STAU2: variants seen among roughly 807,000 people sequenced by gnomAD.
The protein encoded by STAU2 is double-stranded RNA-binding protein Staufen homolog 2.
STAU2 carries 20 observed loss-of-function variants against 65.9 expected under a neutral mutation model. The ratio of observed to expected loss-of-function variants is 0.30; its 90% CI spans 0.21 to 0.44. The LOEUF (loss-of-function observed/expected upper bound fraction) is 0.44, where lower values mean the gene tolerates loss of function less well. Ranked by LOEUF, STAU2 falls within the 20% of genes least tolerant of loss-of-function variation. STAU2 has a pLI of 1.00. For missense variants in STAU2, 558 were observed against 683.9 expected, an observed-to-expected ratio of 0.82 and a Z score of 2.05; for synonymous variants, 232 against 233.9, an observed-to-expected ratio of 0.99 and a Z score of 0.07.
At chr8:73,494,573 T>C (rs1287292896) in intron 13 of STAU2, among the ~76,000 whole-genome samples, 2 of 151,788 alleles carry the variant, frequency 1.3e-5, no homozygotes, top group African/African-American at 4.8e-5. Context: ...TTAAATAATT[T>C]TCAAGTTCAT....
At chr8:73,617,583 T>TA in intron 6 of STAU2, 132 bp from the exon 7 acceptor site, 1 of 842,876 alleles carries the variant, frequency 1.2e-6, no homozygotes. Flanking sequence ...CTCAAAAACA[T>TA]ACTTTTTTGA....
intron 13 of STAU2, among the ~76,000 whole-genome samples, chr8:73,470,241 C>T (rs1365032284): frequency 1.3e-5 from 2 of 152,146 alleles, no homozygotes. Context: ...CTTGGGAAGG[C>T]TTCAGTCGTG....
At chr8:73,713,587 A>G (rs1197823329) in intron 3 of STAU2, among the ~76,000 whole-genome samples, 1 of 152,160 alleles carries the variant, frequency 6.6e-6, no homozygotes, top group East Asian at 1.9e-4. Context: ...AGGGAACGTG[A>G]GAGACAGTCC....
At chr8:73,646,378 C>T (rs1479474493) in intron 6 of STAU2, among the ~76,000 whole-genome samples, 1 of 152,182 alleles carries the variant, frequency 6.6e-6, no homozygotes, top group African/African-American at 2.4e-5. Context: ...TTGGCAGAGA[C>T]ACAGAGTTCA....
intron 11 of STAU2, among the ~76,000 whole-genome samples, chr8:73,588,308 TGTAA>T (rs1401125639): frequency 6.6e-6 from 1 of 152,218 alleles, no homozygotes; most frequent in African/African-American, 2.4e-5. Flanking sequence ...CTGCCATGAA[TGTAA>T]GTAAGAAGAA....
chr8:73,579,339 TTAGTGGGTGGATTTGGCACA>T (rs1809819706), intron 12 of STAU2, among the ~76,000 whole-genome samples: 1 of 152,172 alleles, frequency 6.6e-6, no homozygotes, highest in South Asian at 2.1e-4. Flanking sequence ...GAATAATCTT[TTAGTGGGTGGATTTGGCACA>T]TACCAGTGAA....
intron 3 of STAU2, among the ~76,000 whole-genome samples, chr8:73,710,634 C>T (rs931912343): frequency 2.0e-5 from 3 of 151,916 alleles, no homozygotes; most frequent in Non-Finnish European, 4.4e-5. Flanking sequence ...ACTATTATAG[C>T]TTCAGAATAT....
chr8:73,489,322 C>T (rs1214687366), intron 13 of STAU2, among the ~76,000 whole-genome samples: 8 of 151,866 alleles, frequency 5.3e-5, no homozygotes, highest in Non-Finnish European at 1.0e-4. Flanking sequence ...TTTAAAAATG[C>T]TCTTCCTGCT....
intron 4 of STAU2, among the ~76,000 whole-genome samples, chr8:73,694,902 G>C (rs1169040140): frequency 1.3e-5 from 2 of 152,220 alleles, no homozygotes; most frequent in African/African-American, 4.8e-5. Flanking sequence ...CACAGGGAGG[G>C]AGGATTTGGA....
intron 13 of STAU2, among the ~76,000 whole-genome samples, chr8:73,513,474 C>T (rs1408855937): frequency 2.6e-5 from 4 of 152,080 alleles, no homozygotes; most frequent in African/African-American, 9.7e-5. Flanking sequence ...TTCAAGTCTG[C>T]CCTGGCATTT....
rs1336089546 is a variant in STAU2, at chr8:73,567,217, T to G, written c.1223-14898A>C. ...TGCTATGTGATTTACTTTTTAAGAT[T>G]AAAAAAAAGGCCGGGCGCAGTGGTT... On this transcript the variant is annotated intron_variant, in intron 12 of 14. Coordinates refer to ENST00000524300, the MANE Select transcript of STAU2 (RefSeq NM_001164380.2). 1.1e-4 allele frequency among the ~76,000 whole-genome samples: 17 copies of G among 151,926 alleles called. No homozygotes were observed. The East Asian group carries it at 3.1e-3, about 28-fold the overall frequency.
intron 4 of STAU2, among the ~76,000 whole-genome samples, chr8:73,701,602 A>C (rs1048960217): frequency 2.0e-5 from 3 of 152,182 alleles, no homozygotes; most frequent in African/African-American, 4.8e-5. Flanking sequence ...AAGGTTGTGG[A>C]GAAAAGGGTA....
chr8:73,454,649 G>A (rs1273240450), intron 13 of STAU2, among the ~76,000 whole-genome samples: 3 of 152,144 alleles, frequency 2.0e-5, no homozygotes, highest in Non-Finnish European at 4.4e-5. Context: ...CACAGAAATA[G>A]CAATCACAGA....
At chr8:73,479,819 A>G (rs1394988628) in intron 13 of STAU2, among the ~76,000 whole-genome samples, 3 of 151,668 alleles carry the variant, frequency 2.0e-5, no homozygotes, top group Non-Finnish European at 4.4e-5. Context: ...TATATCCATT[A>G]TATCTCTCAA....
chr8:73,734,233 G>GTTT (rs11370206), intron 3 of STAU2, among the ~76,000 whole-genome samples: 59 of 131,562 alleles, frequency 4.5e-4, no homozygotes, highest in African/African-American at 1.3e-3. Flanking sequence ...TTCAGGGTTT[G>GTTT]TTTTTTTTTT....
intron 13 of STAU2, among the ~76,000 whole-genome samples, chr8:73,429,413 C>CTTTTTTTTTTTTTTT (rs71561522): frequency 6.1e-5 from 4 of 65,310 alleles, no homozygotes; most frequent in South Asian, 4.8e-4. Context: ...TTGCTCAGGT[C>CTTTTTTTTTTTTTTT]TTTTTTTTTT....
chr8:73,641,401 G>A (rs1814957113), intron 6 of STAU2, among the ~76,000 whole-genome samples: 1 of 151,994 alleles, frequency 6.6e-6, no homozygotes, highest in Non-Finnish European at 1.5e-5. Context: ...TAGTTTCATA[G>A]TTAACACTGT....
chr8:73,448,202 G>A (rs561379335), intron 13 of STAU2, among the ~76,000 whole-genome samples: 2 of 152,198 alleles, frequency 1.3e-5, no homozygotes, highest in Non-Finnish European at 2.9e-5. Context: ...GCAAATGTTG[G>A]CATAATCATA....
chr8:73,629,048 C>T (rs1262046730), intron 6 of STAU2, among the ~76,000 whole-genome samples: 24 of 152,162 alleles, frequency 1.6e-4, no homozygotes, highest in Admixed American at 1.5e-3. Context: ...CTGCATACTT[C>T]TAGTATTCTG....
Sources: gnomAD v4.1 joint callset for allele counts (sites outside exome capture counted in the v4.1 genomes callset) on GRCh38, gnomAD v4.1.1 for gene constraint, MANE v1.5 for transcripts, NCBI Gene and HGNC (gene_info 2026-07-23, HGNC 2026-07-21) for gene names.